Variants in NF1 observed in about 807,000 individuals in gnomAD.
NF1 encodes neurofibromin 1, also known as neurofibromin.
Under a neutral mutation model 325.7 loss-of-function variants are expected in NF1, and 122 were observed. That is an observed-to-expected ratio of 0.37 (90% CI 0.32 to 0.44). The LOEUF (loss-of-function observed/expected upper bound fraction) is 0.44. Ranked by LOEUF, NF1 falls within the 20% of genes least tolerant of loss-of-function variation. The pLI, the probability that NF1 is intolerant of heterozygous loss-of-function variation, is 1.00. For missense variants in NF1, 2,140 were observed against 3,415.4 expected, an observed-to-expected ratio of 0.63 and a Z score of 9.31; for synonymous variants, 1,091 against 1,186.0, an observed-to-expected ratio of 0.92 and a Z score of 1.65.
At chr17:31,341,514 C>T (rs905191606) in intron 47 of NF1, among the ~76,000 whole-genome samples, 2 of 151,788 alleles carry the variant, frequency 1.3e-5, no homozygotes, top group Middle Eastern at 3.4e-3. Flanking sequence ...CAGAGCAAGA[C>T]CCTGTCTCCA....
chr17:31,116,913 G>T (rs1303502949), intron 1 of NF1, among the ~76,000 whole-genome samples: 1 of 151,214 alleles, frequency 6.6e-6, no homozygotes, highest in East Asian at 1.9e-4. Context: ...TCCTGACCTC[G>T]TGATTCACCT....
intron 36 of NF1, chr17:31,317,953 T>C (rs1018794119): frequency 9.1e-6 from 2 of 218,842 alleles, no homozygotes; most frequent in African/African-American, 4.7e-5. Flanking sequence ...ATTCAAAGTT[T>C]AATTACATTC....
At position 31,375,412 on chromosome 17, in the gene NF1, C is replaced by A. The variant is rs1029939447; in HGVS notation, c.*1257C>A. The stretch of plus-strand genomic sequence containing the variant: ...AGTAGGGGGGCTGTTAGAATTGCTG[C>A]TATACTGGTGGTATGGATTATCATG... On this transcript the variant is annotated 3_prime_UTR_variant, in exon 58 of 58. Transcript: ENST00000358273. 4 of 231,452 alleles carry A rather than the reference C, an allele frequency of 1.7e-5. No individual in the cohort carries two copies. The highest frequency in any genetic ancestry group is 2.6e-5 in the Non-Finnish European group (3 of 116,778). 14.3% of individuals were successfully genotyped at this position (231,452 alleles called of 1,614,324 possible). A position where few individuals can be genotyped will look rare whatever the true frequency, so the allele number is the denominator to read the frequency against.
chr17:31,157,232 G>T (rs763873491), intron 2 of NF1, among the ~76,000 whole-genome samples: 4 of 152,006 alleles, frequency 2.6e-5, no homozygotes, highest in East Asian at 3.9e-4. Context: ...TAGGTGATCC[G>T]CCTGCCTCGG....
chr17:31,371,899 G>A (rs1398934473), intron 57 of NF1, among the ~76,000 whole-genome samples: 1 of 152,130 alleles, frequency 6.6e-6, no homozygotes, highest in Non-Finnish European at 1.5e-5. Flanking sequence ...ACCAGGCCAC[G>A]TGCTTACAGA....
intron 29 of NF1, among the ~76,000 whole-genome samples, chr17:31,236,540 T>C (rs1241206938): frequency 6.6e-6 from 1 of 151,924 alleles, no homozygotes; most frequent in Non-Finnish European, 1.5e-5. Context: ...CCCAGGTTCG[T>C]GTGATTCTCC....
intron 33 of NF1, among the ~76,000 whole-genome samples, chr17:31,260,050 T>G (rs1226788653): frequency 6.6e-6 from 1 of 152,160 alleles, no homozygotes; most frequent in Non-Finnish European, 1.5e-5. Context: ...AGGCTATATA[T>G]CTTTGGGGAG....
chr17:31,240,261 A>T (rs1389708161), intron 29 of NF1, among the ~76,000 whole-genome samples: 2 of 149,816 alleles, frequency 1.3e-5, no homozygotes, highest in African/African-American at 4.9e-5. Context: ...GGTAACTATC[A>T]TTCTACTCTC....
chr17:31,139,394 A>G (rs1035046219), intron 1 of NF1, among the ~76,000 whole-genome samples: 1 of 150,630 alleles, frequency 6.6e-6, no homozygotes, highest in Non-Finnish European at 1.5e-5. Context: ...ACACACACAC[A>G]CACACACACA....
intron 8 of NF1, among the ~76,000 whole-genome samples, chr17:31,188,732 TCAG>T: frequency 6.6e-6 from 1 of 151,976 alleles, no homozygotes; most frequent in Non-Finnish European, 1.5e-5. Context: ...TACCATCTAA[TCAG>T]CTGCCAGTGT....
At chr17:31,198,916 G>C (rs1270060151) in intron 8 of NF1, among the ~76,000 whole-genome samples, 2 of 152,158 alleles carry the variant, frequency 1.3e-5, no homozygotes, top group East Asian at 3.8e-4. Flanking sequence ...ACTGCATCTG[G>C]CCGTGTCACC....
intron 29 of NF1, among the ~76,000 whole-genome samples, chr17:31,243,791 C>T (rs1347466035): frequency 6.6e-6 from 1 of 151,940 alleles, no homozygotes; most frequent in Non-Finnish European, 1.5e-5. Flanking sequence ...CAGGAGCCTA[C>T]TTAGTGCCCT....
rs1264511763 is a variant in NF1, at chr17:31,360,536, C to G, written c.8210C>G (p.Ala2737Gly). 6.2e-7 allele frequency: 1 copy of G among 1,613,946 alleles called. No individual in the cohort carries two copies. The highest frequency in any genetic ancestry group is 8.5e-7 in the Non-Finnish European group (1 of 1,180,018). Residue 2737 changes from alanine (A) to glycine (G), a missense_variant, in exon 57 of 58, where the codon GCC becomes GGC. Ala to Gly is a moderately conservative substitution (Grantham distance 60). Coordinates refer to ENST00000358273, the MANE Select transcript of NF1 (RefSeq NM_001042492.3). ...YAELIVKFLDALIDTYLPGID... is the reference protein window; with the variant it reads ...YAELIVKFLDGLIDTYLPGID... Reference sequence around the variant, plus strand: ...GAGCTTATTGTTAAGTTTCTTGATGCCTTGATTGACACGTACCTGCCTGGA... The same window carrying G: ...GAGCTTATTGTTAAGTTTCTTGATGGCTTGATTGACACGTACCTGCCTGGA...
chr17:31,178,065 G>T (rs923786635), intron 5 of NF1, among the ~76,000 whole-genome samples: 2 of 152,036 alleles, frequency 1.3e-5, no homozygotes, highest in East Asian at 1.9e-4. Context: ...ACATATAATC[G>T]TCAGATTCAC....
At chr17:31,213,902 T>C (rs2066773780) in intron 12 of NF1, among the ~76,000 whole-genome samples, 1 of 152,178 alleles carries the variant, frequency 6.6e-6, no homozygotes, top group Non-Finnish European at 1.5e-5. Context: ...AAGAAGCACT[T>C]ATTTTTACTC....
chr17:31,312,443 G>T (rs2068901067), intron 36 of NF1, among the ~76,000 whole-genome samples: 1 of 151,554 alleles, frequency 6.6e-6, no homozygotes, highest in South Asian at 2.1e-4. Flanking sequence ...CCTGGGAGGC[G>T]GAGGTTGCAG....
At chr17:31,131,024 T>G (rs898012341) in intron 1 of NF1, among the ~76,000 whole-genome samples, 1 of 152,118 alleles carries the variant, frequency 6.6e-6, no homozygotes, top group Non-Finnish European at 1.5e-5. Flanking sequence ...TGGAGCCCCA[T>G]GAGAGACCAG....
At chr17:31,342,813 T>C (rs1281132032) in intron 47 of NF1, among the ~76,000 whole-genome samples, 196 bp from the exon 48 acceptor site, 1 of 152,166 alleles carries the variant, frequency 6.6e-6, no homozygotes, top group African/African-American at 2.4e-5. Context: ...TTCTTATTTA[T>C]ATGCTTGACT....
intron 36 of NF1, among the ~76,000 whole-genome samples, chr17:31,280,930 A>AT (rs1286967945): frequency 2.6e-5 from 4 of 151,998 alleles, no homozygotes; most frequent in Middle Eastern, 3.2e-3. Flanking sequence ...TATACTGTGA[A>AT]TGGAAAATCA....
Sources: gnomAD v4.1 joint callset for allele counts (sites outside exome capture counted in the v4.1 genomes callset) on GRCh38, gnomAD v4.1.1 for gene constraint, MANE v1.5 for transcripts, NCBI Gene and HGNC (gene_info 2026-07-23, HGNC 2026-07-21) for gene names.